The following TERB2 variants were observed in gnomAD, a reference collection of about 807,000 sequenced individuals.
The protein encoded by TERB2 is telomere repeat binding bouquet formation protein 2.
A neutral mutation model predicts 29.8 loss-of-function variants in TERB2; 26 were observed. The observed-to-expected ratio is 0.87, with a 90% CI of 0.64 to 1.21. The LOEUF (loss-of-function observed/expected upper bound fraction) is 1.21. Among genes scored for constraint, TERB2 ranks in the 50% most tolerant of loss-of-function variants. The pLI is 0.00. For missense variants in TERB2, 240 were observed against 268.6 expected, an observed-to-expected ratio of 0.89 and a Z score of 0.74; for synonymous variants, 80 against 90.8, an observed-to-expected ratio of 0.88 and a Z score of 0.68.
intron 4 of TERB2, among the ~76,000 whole-genome samples, chr15:44,965,863 A>T (rs1327598240): frequency 6.6e-6 from 1 of 151,802 alleles, no homozygotes; most frequent in Non-Finnish European, 1.5e-5. Context: ...TCAATAATTG[A>T]AAAGAGAATA....
intron 5 of TERB2, among the ~76,000 whole-genome samples, chr15:44,966,683 C>A (rs182739302): frequency 6.6e-6 from 1 of 152,248 alleles, no homozygotes; most frequent in East Asian, 1.9e-4. Context: ...ACAAAAGAAT[C>A]TTAAAATATA....
intron 4 of TERB2, among the ~76,000 whole-genome samples, chr15:44,963,955 C>G (rs537777129): frequency 6.6e-6 from 1 of 151,884 alleles, no homozygotes; most frequent in South Asian, 2.1e-4. Context: ...GGATTACAGG[C>G]ACCCGCCACC....
intron 6 of TERB2, among the ~76,000 whole-genome samples, chr15:44,977,560 C>T (rs1196586882): frequency 1.3e-5 from 2 of 152,106 alleles, no homozygotes; most frequent in Non-Finnish European, 2.9e-5. Context: ...AGTAATAGTG[C>T]TTCAAGAGCT....
rs375691960 is a variant in TERB2, at chr15:44,972,670, C to A, written c.435-1197C>A. Among the ~76,000 whole-genome samples, 24 of 151,670 alleles carry A rather than the reference C, an allele frequency of 1.6e-4. No homozygotes were observed. The South Asian group carries it at 4.8e-3, about 30-fold the overall frequency. ...AGCTGGGATTACAGCTGCTCGCCAC[C>A]ACACCTGGCTAATTTTTGTATTTTT... On this transcript the variant is annotated intron_variant, in intron 5 of 6. Transcript: ENST00000340827.
At chr15:44,965,537 C>T (rs12593117) in intron 4 of TERB2, among the ~76,000 whole-genome samples, 30,137 of 138,844 alleles carry the variant, frequency 0.22, 3,921 homozygotes, top group East Asian at 0.37. Context: ...ATATATTATA[C>T]ATTTATATAT....
intron 4 of TERB2, among the ~76,000 whole-genome samples, chr15:44,962,255 C>T (rs1348262085): frequency 1.3e-5 from 2 of 150,292 alleles, no homozygotes; most frequent in Non-Finnish European, 3.0e-5. Context: ...GATCTCGGCT[C>T]ACTGCAAGCT....
intron 6 of TERB2, among the ~76,000 whole-genome samples, chr15:44,977,679 A>G (rs1312136150): frequency 6.6e-6 from 1 of 152,178 alleles, no homozygotes; most frequent in African/African-American, 2.4e-5. Flanking sequence ...TTTATTAAAA[A>G]TGATTAAACA....
intron 5 of TERB2, among the ~76,000 whole-genome samples, chr15:44,968,663 C>G (rs1303263234): frequency 8.4e-6 from 1 of 118,938 alleles, no homozygotes; most frequent in East Asian, 2.7e-4. Flanking sequence ...GGCACGATTT[C>G]AGTTCACTGC....
chr15:44,957,894 T>C (rs1308917484), intron 2 of TERB2, among the ~76,000 whole-genome samples: 1 of 151,388 alleles, frequency 6.6e-6, no homozygotes, highest in East Asian at 1.9e-4. Flanking sequence ...ATGACTTCCG[T>C]AGCCCAGTCA....
In TERB2 at chr15:44,978,426, C is replaced by G. The variant is rs1892075343; in HGVS notation, c.524-63C>G. 64 of 1,446,056 alleles carry G rather than the reference C, an allele frequency of 4.4e-5. 2 individuals carry two copies. In the South Asian group the frequency reaches 1.1e-3, roughly 25 times the overall value. 89.6% of individuals were successfully genotyped at this position (1,446,056 alleles called of 1,614,324 possible). ...TCTTAACTCTAATAAATCAAAGACA[C>G]TGAAAAGCAAATAGTATGAGCGGGT... On this transcript the variant is annotated intron_variant, in intron 6 of 6. Transcript: ENST00000340827.
chr15:44,974,570 C>T (rs569753983), intron 6 of TERB2, among the ~76,000 whole-genome samples: 9 of 152,092 alleles, frequency 5.9e-5, no homozygotes, highest in Admixed American at 1.3e-4. Flanking sequence ...CCACGGCTGA[C>T]ATTGAGAGGG....
intron 4 of TERB2, among the ~76,000 whole-genome samples, chr15:44,963,982 T>C (rs1021805315): frequency 6.6e-6 from 1 of 151,968 alleles, no homozygotes; most frequent in Non-Finnish European, 1.5e-5. Flanking sequence ...AGCTACTTTT[T>C]GTATTTTTAG....
At chr15:44,965,162 CAAAAAAAAAAAAAAAAAAA>C (rs66756472) in intron 4 of TERB2, among the ~76,000 whole-genome samples, 1,073 of 48,890 alleles carry the variant, frequency 0.022, 27 homozygotes, top group African/African-American at 0.085. Flanking sequence ...GACTCTGTCT[CAAAAAAAAAAAAAAAAAAA>C]AAAAAAAGAA....
At chr15:44,969,964 GT>G (rs1442597483) in intron 5 of TERB2, 4 of 151,732 alleles carry the variant, frequency 2.6e-5, no homozygotes, top group African/African-American at 9.8e-5. Context: ...AGTTTGTTAA[GT>G]AATTTCTTGA....
At position 44,963,889 on chromosome 15, in the gene TERB2, C is replaced by T. The variant is rs1460413617; in HGVS notation, c.349-2269C>T. Among the ~76,000 whole-genome samples, 15 of 142,738 alleles carry T rather than the reference C, an allele frequency of 1.1e-4. 1 individual carries two copies. Among genetic ancestry groups the T allele is most frequent in the Admixed American group, 4.6e-4 (6 of 13,166 alleles). The allele number at this position is 142,738 out of a possible 152,430, so 93.6% of individuals were successfully genotyped here. On this transcript the variant is annotated intron_variant, in intron 4 of 6. Transcript: ENST00000340827. ...AAGTGGCGGGATCTCAAGCTTACTG[C>T]GACCACCACCTCCTGGGTTGAAGCG...
At chr15:44,978,437 A>G in intron 6 of TERB2, 52 bp from the exon 7 acceptor site, 3 of 1,477,324 alleles carry the variant, frequency 2.0e-6, no homozygotes, top group Non-Finnish European at 2.7e-6. Context: ...TGAAAAGCAA[A>G]TAGTATGAGC....
At chr15:44,965,512 TAG>T (rs1891873637) in intron 4 of TERB2, among the ~76,000 whole-genome samples, 1 of 144,328 alleles carries the variant, frequency 6.9e-6, no homozygotes, top group Admixed American at 7.1e-5. Context: ...TATATTTATA[TAG>T]ATATATATAA....
intron 4 of TERB2, among the ~76,000 whole-genome samples, chr15:44,962,184 T>TG (rs200601589): frequency 0.02 from 2,711 of 135,580 alleles, 55 homozygotes; most frequent in South Asian, 0.093. Flanking sequence ...TTACCAGTTC[T>TG]TTTTTTTTTT....
intron 3 of TERB2, among the ~76,000 whole-genome samples, chr15:44,960,612 A>G (rs1891785997): frequency 6.6e-6 from 1 of 150,736 alleles, no homozygotes; most frequent in Non-Finnish European, 1.5e-5. Flanking sequence ...TATAATCTAT[A>G]AAAATTGAGA....
Sources: gnomAD v4.1 joint callset for allele counts (sites outside exome capture counted in the v4.1 genomes callset) on GRCh38, gnomAD v4.1.1 for gene constraint, MANE v1.5 for transcripts, NCBI Gene and HGNC (gene_info 2026-07-23, HGNC 2026-07-21) for gene names.